PGRMC2: variants seen among roughly 807,000 people sequenced by gnomAD.
The protein encoded by PGRMC2 is progesterone receptor membrane component 2, also known as membrane-associated progesterone receptor component 2.
In PGRMC2, 9 loss-of-function variants were observed where a neutral mutation model predicts 19.3. The observed-to-expected ratio is 0.47, with a 90% CI of 0.28 to 0.81. PGRMC2 has a LOEUF of 0.81. PGRMC2 is among the 40% of genes least tolerant of loss of function. The pLI, the probability that PGRMC2 is intolerant of heterozygous loss-of-function variation, is 0.11. For missense variants in PGRMC2, 289 were observed against 297.3 expected (o/e 0.97, Z 0.21); for synonymous variants, 157 against 124.6 (o/e 1.26, Z -1.73).
intron 1 of PGRMC2, among the ~76,000 whole-genome samples, chr4:128,280,640 T>C (rs1055027953): frequency 1.3e-5 from 2 of 152,136 alleles, no homozygotes; most frequent in Non-Finnish European, 2.9e-5. Context: ...AGGGTCTTGC[T>C]CTGTCACCCA....
rs1224932527 is a variant in PGRMC2 at position 128,270,007 on chromosome 4, G to A, written c.*1309C>T. 6.6e-6 allele frequency: 1 copy of A among 152,610 alleles called. No homozygotes were observed. Among genetic ancestry groups the A allele is most frequent in the Admixed American group, 6.5e-5 (1 of 15,274 alleles). 9.5% of individuals were successfully genotyped at this position (152,610 alleles called of 1,614,324 possible). A position where few individuals can be genotyped will look rare whatever the true frequency, so the allele number is the denominator to read the frequency against. On this transcript the variant is annotated 3_prime_UTR_variant, in exon 3 of 3. Coordinates refer to ENST00000296425, the MANE Select transcript of PGRMC2 (RefSeq NM_006320.6). ...AGTTATGCTGAATGTGGTACAATGT[G>A]TACAACTTGGTTAACCAGTGCCTGC...
At chr4:128,282,294 T>C (rs1400147166) in intron 1 of PGRMC2, among the ~76,000 whole-genome samples, 1 of 152,136 alleles carries the variant, frequency 6.6e-6, no homozygotes, top group Non-Finnish European at 1.5e-5. Flanking sequence ...AATACAGGAG[T>C]TATACAGTCA....
chr4:128,285,840 C>T (rs893626951), intron 1 of PGRMC2, among the ~76,000 whole-genome samples: 2 of 152,166 alleles, frequency 1.3e-5, no homozygotes, highest in Admixed American at 6.5e-5. Flanking sequence ...TTAACCATTT[C>T]AGTTGATATA....
At chr4:128,285,757 G>A (rs1040459644) in intron 1 of PGRMC2, among the ~76,000 whole-genome samples, 1 of 152,066 alleles carries the variant, frequency 6.6e-6, no homozygotes, top group South Asian at 2.1e-4. Flanking sequence ...AATTTACTTC[G>A]CTTGGCCTGT....
In PGRMC2 at chr4:128,270,715, C is replaced by T. The variant is rs552181972; in HGVS notation, c.*601G>A. ...GACTTAAACCCACCTGAAATTCCTT[C>T]TCCTAATTTCCAAAGATTTCTTTAT... On this transcript the variant is annotated 3_prime_UTR_variant, in exon 3 of 3. Coordinates refer to ENST00000296425, the MANE Select transcript of PGRMC2 (RefSeq NM_006320.6). 2.6e-5 allele frequency: 4 copies of T among 152,396 alleles called. No individual in the cohort carries two copies. The highest frequency in any genetic ancestry group is 9.6e-5 in the African/African-American group (4 of 41,582). 9.4% of individuals were successfully genotyped at this position (152,396 alleles called of 1,614,324 possible). A position where few individuals can be genotyped will look rare whatever the true frequency, so the allele number is the denominator to read the frequency against.
intron 1 of PGRMC2, among the ~76,000 whole-genome samples, chr4:128,280,176 T>A (rs182991925): frequency 6.6e-6 from 1 of 151,528 alleles, no homozygotes. Context: ...ATATAACAGA[T>A]ACAGAAGCAG....
At chr4:128,281,067 CAT>C (rs1209678658) in intron 1 of PGRMC2, among the ~76,000 whole-genome samples, 1 of 151,964 alleles carries the variant, frequency 6.6e-6, no homozygotes, top group African/African-American at 2.4e-5. Flanking sequence ...AAATGATAAC[CAT>C]GTTAGTAAAT....
At chr4:128,271,722 A>G (rs1162581752) in intron 2 of PGRMC2, among the ~76,000 whole-genome samples, 1 of 152,202 alleles carries the variant, frequency 6.6e-6, no homozygotes, top group African/African-American at 2.4e-5. Context: ...GAGTAAGTCC[A>G]GGACCCATCT....
chr4:128,287,421 T>C lies in PGRMC2; in HGVS notation c.370A>G (p.Asn124Asp). The stretch of plus-strand genomic sequence containing the variant: ...TTGGTCACGTCGAAGACTTTCCCAT[T>C]GACCGCGAGCAGGATGCGCGGGTTG... ...SRNPRILLAV[N>D]GKVFDVTKGS... Residue 124 changes from asparagine to aspartate, a missense_variant, in exon 1 of 3, where the codon AAT becomes GAT. Asn to Asp is a conservative substitution (Grantham distance 23, BLOSUM62 1). Transcript: ENST00000296425. The C allele has an allele frequency of 6.2e-7, 1 of 1,612,846 alleles. No individual in the cohort carries two copies. Among genetic ancestry groups the C allele is most frequent in the Admixed American group, 1.7e-5 (1 of 59,960 alleles).
intron 1 of PGRMC2, among the ~76,000 whole-genome samples, chr4:128,278,458 G>C (rs1315456187): frequency 6.6e-6 from 1 of 152,074 alleles, no homozygotes; most frequent in African/African-American, 2.4e-5. Context: ...TGTAATCCCG[G>C]TTACTCAAGA....
At chr4:128,286,869 G>C in intron 1 of PGRMC2, 1 of 329,940 alleles carries the variant, frequency 3.0e-6, no homozygotes, top group Non-Finnish European at 5.3e-6. Context: ...GAAAAAAGGA[G>C]ATCAGTGGCA....
intron 1 of PGRMC2, among the ~76,000 whole-genome samples, chr4:128,281,013 G>A (rs1195651054): frequency 6.6e-6 from 1 of 152,044 alleles, no homozygotes; most frequent in Non-Finnish European, 1.5e-5. Flanking sequence ...AATAAAAAGT[G>A]AACCCCAAAG....
chr4:128,281,301 A>G (rs1760907445), intron 1 of PGRMC2, among the ~76,000 whole-genome samples: 1 of 152,208 alleles, frequency 6.6e-6, no homozygotes, highest in Middle Eastern at 3.2e-3. Flanking sequence ...ATTTATTAAG[A>G]AATAATCTGT....
intron 1 of PGRMC2, 132 bp from the exon 2 acceptor site, chr4:128,272,649 C>T: frequency 2.1e-6 from 1 of 486,546 alleles, no homozygotes; most frequent in Non-Finnish European, 3.3e-6. Flanking sequence ...TGTATATACC[C>T]TTAATTTCAA....
At chr4:128,271,768 G>C (rs1760733833) in intron 2 of PGRMC2, among the ~76,000 whole-genome samples, 1 of 152,168 alleles carries the variant, frequency 6.6e-6, no homozygotes, top group Non-Finnish European at 1.5e-5. Flanking sequence ...TGTTCCAAGG[G>C]ACCCAGGGGT....
chr4:128,272,519 T>C lies in PGRMC2; in HGVS notation c.419-2A>G, dbSNP rs775532237. 1 of 1,442,104 alleles carries C rather than the reference T, an allele frequency of 6.9e-7. No individual in the cohort carries two copies. Among genetic ancestry groups the C allele is most frequent in the Admixed American group, 2.7e-5 (1 of 36,798 alleles). 89.3% of individuals were successfully genotyped at this position (1,442,104 alleles called of 1,614,324 possible). On this transcript the variant is annotated splice_acceptor_variant, in intron 1 of 2. Transcript: ENST00000296425. LOFTEE classifies it high-confidence loss of function. ...CAGCAAATATTCCATATGGACCCGC[T>C]GGAAAAAAGAAAATAAATTATTTAG...
rs1760696754 is a variant in PGRMC2, at chr4:128,269,668, T to C, written c.*1648A>G. ...AGCAGAAGTCTTAACTGGTGACCTG[T>C]TAAATAACATTGCCTTTTTAAGTGA... On this transcript the variant is annotated 3_prime_UTR_variant, in exon 3 of 3. Coordinates refer to ENST00000296425, the MANE Select transcript of PGRMC2 (RefSeq NM_006320.6). 1 of 152,326 alleles carries C rather than the reference T, an allele frequency of 6.6e-6. No individual in the cohort carries two copies. Among genetic ancestry groups the C allele is most frequent in the African/African-American group, 2.4e-5 (1 of 41,566 alleles). 9.4% of individuals were successfully genotyped at this position (152,326 alleles called of 1,614,324 possible).
intron 1 of PGRMC2, among the ~76,000 whole-genome samples, chr4:128,284,347 C>T (rs1462184432): frequency 6.6e-6 from 1 of 152,156 alleles, no homozygotes; most frequent in Non-Finnish European, 1.5e-5. Flanking sequence ...AGCAGGAATA[C>T]TTACCAACTT....
At chr4:128,287,329 C>T (rs774896735) in intron 1 of PGRMC2, 44 bp downstream of exon 1, 3 of 1,557,474 alleles carry the variant, frequency 1.9e-6, no homozygotes, top group East Asian at 2.3e-5. Flanking sequence ...GGGGGTTGTG[C>T]TTCAGCTGCA....
Sources: allele counts gnomAD v4.1 joint callset (sites outside exome capture counted in the v4.1 genomes callset), GRCh38; gene constraint gnomAD v4.1.1; transcripts MANE v1.5; gene names NCBI Gene and HGNC (gene_info 2026-07-23, HGNC 2026-07-21).